LRRTM4: variants seen among roughly 807,000 people sequenced by gnomAD.
The protein encoded by LRRTM4 is leucine rich repeat transmembrane neuronal 4, also known as leucine-rich repeat transmembrane neuronal protein 4.
In LRRTM4, 25 loss-of-function variants were observed where a neutral mutation model predicts 47.6. That is an observed-to-expected ratio of 0.53 (90% CI 0.38 to 0.73). The LOEUF is 0.73. Among genes scored for constraint, LRRTM4 ranks in the 30% least tolerant of loss-of-function variants. The pLI is 0.00. For missense variants in LRRTM4, 638 were observed against 713.4 expected (o/e 0.89, Z 1.20); for synonymous variants, 311 against 269.5 (o/e 1.15, Z -1.51).
intron 3 of LRRTM4, among the ~76,000 whole-genome samples, chr2:77,488,721 A>C (rs1678022968): frequency 6.6e-6 from 1 of 152,162 alleles, no homozygotes; most frequent in African/African-American, 2.4e-5. Flanking sequence ...TGCAGAATTT[A>C]ATAAAACTGA....
chr2:77,410,571 T>C (rs1674379135), intron 3 of LRRTM4, among the ~76,000 whole-genome samples: 1 of 152,010 alleles, frequency 6.6e-6, no homozygotes, highest in Admixed American at 6.6e-5. Flanking sequence ...ACATTGAGGA[T>C]GGGGTGCTTA....
chr2:77,273,827 T>C (rs1676268758), intron 3 of LRRTM4, among the ~76,000 whole-genome samples: 2 of 152,160 alleles, frequency 1.3e-5, no homozygotes. Context: ...TTATCATGTA[T>C]TGATTGACTT....
At chr2:76,841,688 G>GTATA (rs148111915) in intron 3 of LRRTM4, among the ~76,000 whole-genome samples, 13 of 148,274 alleles carry the variant, frequency 8.8e-5, no homozygotes, top group Admixed American at 2.0e-4. Context: ...ACTTTACTGT[G>GTATA]TATATATATA....
chr2:76,967,188 C>A (rs908942627), intron 3 of LRRTM4, among the ~76,000 whole-genome samples: 4 of 147,592 alleles, frequency 2.7e-5, no homozygotes, highest in Non-Finnish European at 4.5e-5. Context: ...TTAGGAGAGG[C>A]ACTACCATTT....
chr2:76,766,063 C>T (rs1673442104), intron 3 of LRRTM4, among the ~76,000 whole-genome samples: 1 of 152,178 alleles, frequency 6.6e-6, no homozygotes, highest in African/African-American at 2.4e-5. Context: ...ATTATATTAG[C>T]TTCCTCCAGA....
chr2:76,927,137 A>G (rs1464852576), intron 3 of LRRTM4, among the ~76,000 whole-genome samples: 1 of 146,720 alleles, frequency 6.8e-6, no homozygotes, highest in East Asian at 2.1e-4. Context: ...GGATCTCTAT[A>G]GAGATCTTCA....
chr2:76,753,633 G>A (rs1558632872), intron 3 of LRRTM4, among the ~76,000 whole-genome samples: 1 of 152,160 alleles, frequency 6.6e-6, no homozygotes, highest in East Asian at 1.9e-4. Flanking sequence ...GAGAAGTTAG[G>A]GAGAGAGCGT....
chr2:76,907,199 C>T (rs1173183095), intron 3 of LRRTM4, among the ~76,000 whole-genome samples: 2 of 152,014 alleles, frequency 1.3e-5, no homozygotes, highest in African/African-American at 4.8e-5. Flanking sequence ...TCACTCAAAA[C>T]TGCTCAACTA....
chr2:76,859,442 T>C (rs909695995), intron 3 of LRRTM4, among the ~76,000 whole-genome samples: 21 of 152,154 alleles, frequency 1.4e-4, no homozygotes, highest in African/African-American at 4.3e-4. Context: ...TTTATGTTAA[T>C]AGTATTGCTT....
At chr2:76,778,684 A>T (rs924472865) in intron 3 of LRRTM4, among the ~76,000 whole-genome samples, 8 of 151,008 alleles carry the variant, frequency 5.3e-5, no homozygotes, top group Non-Finnish European at 1.2e-4. Flanking sequence ...GCGGTCTATC[A>T]ATTTTGTTGA....
intron 3 of LRRTM4, among the ~76,000 whole-genome samples, chr2:77,253,475 A>G (rs1052000739): frequency 2.6e-5 from 4 of 152,142 alleles, no homozygotes; most frequent in Non-Finnish European, 4.4e-5. Context: ...GCCACCCTGA[A>G]CTATATTTAA....
intron 3 of LRRTM4, among the ~76,000 whole-genome samples, chr2:77,316,820 A>T (rs1214512654): frequency 6.6e-6 from 1 of 152,216 alleles, no homozygotes; most frequent in East Asian, 1.9e-4. Context: ...CGATGAGATT[A>T]TATGCGTGAG....
intron 3 of LRRTM4, among the ~76,000 whole-genome samples, chr2:77,153,387 CTGAG>C (rs1297833097): frequency 4.6e-5 from 7 of 152,272 alleles, no homozygotes; most frequent in Non-Finnish European, 7.4e-5. Flanking sequence ...AGTTAGCTCT[CTGAG>C]TATTTTGCAA....
At chr2:77,394,790 C>T (rs948554561) in intron 3 of LRRTM4, among the ~76,000 whole-genome samples, 10 of 151,918 alleles carry the variant, frequency 6.6e-5, no homozygotes, top group African/African-American at 2.2e-4. Context: ...AGCAGGAACA[C>T]GAAGGCATTC....
intron 3 of LRRTM4, among the ~76,000 whole-genome samples, chr2:77,251,554 T>C (rs995896582): frequency 5.9e-5 from 9 of 152,140 alleles, no homozygotes; most frequent in Non-Finnish European, 1.2e-4. Context: ...ATCATATCCC[T>C]GCTCTGTGAA....
chr2:77,344,167 C>A (rs1671475980), intron 3 of LRRTM4, among the ~76,000 whole-genome samples: 1 of 151,632 alleles, frequency 6.6e-6, no homozygotes, highest in Admixed American at 6.6e-5. Context: ...TTAACATATT[C>A]AAGAAACAAG....
At chr2:77,307,120 T>C (rs1689149649) in intron 3 of LRRTM4, among the ~76,000 whole-genome samples, 2 of 151,822 alleles carry the variant, frequency 1.3e-5, no homozygotes, top group Admixed American at 1.3e-4. Flanking sequence ...CAGGATGGTC[T>C]CGATCTCCTG....
intron 3 of LRRTM4, among the ~76,000 whole-genome samples, chr2:76,908,336 C>G (rs572031274): frequency 1.4e-5 from 2 of 147,952 alleles, no homozygotes; most frequent in Admixed American, 1.3e-4. Flanking sequence ...ATTGATGGGC[C>G]ATATCTCAAA....
chr2:77,101,033 C>A (rs556700476), intron 3 of LRRTM4, among the ~76,000 whole-genome samples: 1 of 152,018 alleles, frequency 6.6e-6, no homozygotes, highest in African/African-American at 2.4e-5. Context: ...GACGGGGTTT[C>A]ACCACATTGG....
Sources: allele counts gnomAD v4.1 joint callset (sites outside exome capture counted in the v4.1 genomes callset), GRCh38; gene constraint gnomAD v4.1.1; transcripts MANE v1.5; gene names NCBI Gene and HGNC (gene_info 2026-07-23, HGNC 2026-07-21).